Variants in KHDRBS2 observed in about 807,000 individuals in gnomAD.
KHDRBS2 encodes KH domain-containing, RNA-binding, signal transduction-associated protein 2.
Under a neutral mutation model 44.3 loss-of-function variants are expected in KHDRBS2, and 26 were observed. The ratio of observed to expected loss-of-function variants is 0.59; its 90% CI spans 0.43 to 0.81. KHDRBS2 has a LOEUF of 0.81. Ranked by LOEUF, KHDRBS2 falls within the 40% of genes least tolerant of loss-of-function variation. The pLI is 0.00. For synonymous variants in KHDRBS2, 194 were observed against 151.1 expected (o/e 1.28, Z -2.08); for missense variants, 476 against 433.1 (o/e 1.10, Z -0.88).
chr6:61,963,945 A>C (rs183501526), intron 4 of KHDRBS2, among the ~76,000 whole-genome samples: 11 of 152,188 alleles, frequency 7.2e-5, no homozygotes, highest in African/African-American at 1.4e-4. Context: ...GAGCTTTTCC[A>C]TAACAAAAAG....
At chr6:61,712,481 T>C (rs527357418) in intron 7 of KHDRBS2, among the ~76,000 whole-genome samples, 1 of 152,008 alleles carries the variant, frequency 6.6e-6, no homozygotes, top group South Asian at 2.1e-4. Flanking sequence ...GTTTCAGTTT[T>C]AGAGTTTCCC....
chr6:61,608,045 G>A, the KHDRBS2 span, among the ~76,000 whole-genome samples: 1 of 152,106 alleles, frequency 6.6e-6, no homozygotes, highest in Admixed American at 6.5e-5. Flanking sequence ...TAAACTCAAT[G>A]CAATTCCTCC....
intron 6 of KHDRBS2, among the ~76,000 whole-genome samples, chr6:61,781,827 T>A (rs1319292680): frequency 2.0e-5 from 3 of 152,204 alleles, no homozygotes; most frequent in Non-Finnish European, 4.4e-5. Flanking sequence ...AAACCTTTTA[T>A]GATTTGACTT....
chr6:61,784,374 T>C (rs1243072290), intron 6 of KHDRBS2, among the ~76,000 whole-genome samples: 1 of 151,682 alleles, frequency 6.6e-6, no homozygotes, highest in African/African-American at 2.4e-5. Context: ...ATAATTATTC[T>C]ATGAAGATGA....
At chr6:62,122,587 C>T (rs1807921877) in intron 2 of KHDRBS2, among the ~76,000 whole-genome samples, 1 of 152,120 alleles carries the variant, frequency 6.6e-6, no homozygotes, top group Non-Finnish European at 1.5e-5. Context: ...CTGCTTTTTC[C>T]CCTCCAGCCT....
At chr6:61,564,795 T>C in the KHDRBS2 span, among the ~76,000 whole-genome samples, 2 of 152,014 alleles carry the variant, frequency 1.3e-5, no homozygotes, top group African/African-American at 4.8e-5. Context: ...CTCTCATAAA[T>C]ATTATGTAGA....
chr6:62,274,696 T>A (rs930068988), intron 1 of KHDRBS2, among the ~76,000 whole-genome samples: 1 of 152,160 alleles, frequency 6.6e-6, no homozygotes. Context: ...TATGGAAGCC[T>A]TTCATCTCCA....
At chr6:62,094,097 C>T (rs1311847599) in intron 2 of KHDRBS2, among the ~76,000 whole-genome samples, 1 of 151,796 alleles carries the variant, frequency 6.6e-6, no homozygotes, top group East Asian at 1.9e-4. Flanking sequence ...TTTTGAGAAA[C>T]CTTTACACCA....
chr6:61,978,327 C>T, intron 3 of KHDRBS2, 115 bp from the exon 4 acceptor site: 2 of 706,590 alleles, frequency 2.8e-6, no homozygotes, highest in African/African-American at 1.9e-5. Flanking sequence ...AATTTGCTTC[C>T]ATAATTTTCT....
chr6:62,265,584 G>A (rs1585509640), intron 1 of KHDRBS2, among the ~76,000 whole-genome samples: 1 of 152,074 alleles, frequency 6.6e-6, no homozygotes, highest in South Asian at 2.1e-4. Flanking sequence ...TCAGCTAAGT[G>A]TTATATTTTC....
chr6:61,551,737 G>A, the KHDRBS2 span, among the ~76,000 whole-genome samples: 2 of 151,986 alleles, frequency 1.3e-5, no homozygotes, highest in Admixed American at 1.3e-4. Flanking sequence ...TGCTTTTGTG[G>A]CATACCATGC....
chr6:61,759,858 CT>C (rs1286080833), intron 6 of KHDRBS2, among the ~76,000 whole-genome samples: 1 of 152,156 alleles, frequency 6.6e-6, no homozygotes, highest in East Asian at 1.9e-4. Flanking sequence ...AGGATTGTTT[CT>C]TTCAGCTTTA....
chr6:62,245,214 T>C (rs1835344918), intron 1 of KHDRBS2, among the ~76,000 whole-genome samples: 1 of 152,146 alleles, frequency 6.6e-6, no homozygotes, highest in African/African-American at 2.4e-5. Flanking sequence ...TTTCTGCTAT[T>C]CTCCCTGTTA....
At chr6:61,658,517 AAT>A in the KHDRBS2 span, among the ~76,000 whole-genome samples, 12 of 151,968 alleles carry the variant, frequency 7.9e-5, no homozygotes, top group African/African-American at 2.9e-4. Context: ...TTAACTTATC[AAT>A]ATGTTACACA....
At chr6:61,771,221 A>T (rs1281090369) in intron 6 of KHDRBS2, among the ~76,000 whole-genome samples, 4 of 152,218 alleles carry the variant, frequency 2.6e-5, no homozygotes, top group Non-Finnish European at 2.9e-5. Flanking sequence ...GGTACCAGCC[A>T]CTGCAAAAAC....
chr6:61,707,931 T>C (rs1398026749), intron 7 of KHDRBS2, among the ~76,000 whole-genome samples: 2 of 151,686 alleles, frequency 1.3e-5, no homozygotes, highest in Admixed American at 1.3e-4. Context: ...AACAATCTCT[T>C]TTTATAATAA....
At chr6:61,858,956 T>C (rs1343249828) in intron 6 of KHDRBS2, among the ~76,000 whole-genome samples, 1 of 151,852 alleles carries the variant, frequency 6.6e-6, no homozygotes, top group African/African-American at 2.4e-5. Context: ...CTTCTACACA[T>C]GGATAAAGAC....
At chr6:62,030,799 C>G (rs186265326) in intron 3 of KHDRBS2, among the ~76,000 whole-genome samples, 37 of 152,124 alleles carry the variant, frequency 2.4e-4, no homozygotes, top group Admixed American at 1.6e-3. Flanking sequence ...CCCAAATACT[C>G]TACTGTGAAA....
At chr6:61,571,074 A>G in the KHDRBS2 span, among the ~76,000 whole-genome samples, 1 of 152,164 alleles carries the variant, frequency 6.6e-6, no homozygotes, top group African/African-American at 2.4e-5. Context: ...ACATCTCAAT[A>G]CAAACATTGA....
Sources: gnomAD v4.1 joint callset for allele counts (sites outside exome capture counted in the v4.1 genomes callset) on GRCh38, gnomAD v4.1.1 for gene constraint, MANE v1.5 for transcripts, NCBI Gene and HGNC (gene_info 2026-07-23, HGNC 2026-07-21) for gene names.